Variants in TKT observed in about 807,000 individuals in gnomAD.
The protein encoded by TKT is epididymis luminal protein 107.
A neutral mutation model predicts 63.9 loss-of-function variants in TKT; 47 were observed. The observed-to-expected ratio is 0.74, with a 90% CI of 0.58 to 0.94. The LOEUF is 0.94. Among genes scored for constraint, TKT ranks in the 40% least tolerant of loss-of-function variants. TKT has a pLI of 0.00. For synonymous variants in TKT, 338 were observed against 334.1 expected (o/e 1.01, Z -0.13); for missense variants, 721 against 846.2 (o/e 0.85, Z 1.84).
intron 8 of TKT, among the ~76,000 whole-genome samples, chr3:53,229,794 G>T (rs1324826538): frequency 2.0e-5 from 3 of 152,152 alleles, no homozygotes; most frequent in Non-Finnish European, 4.4e-5. Context: ...CCCACGCCCT[G>T]CAGAGCAGTC....
intron 4 of TKT, among the ~76,000 whole-genome samples, chr3:53,236,765 A>G (rs565452702): frequency 6.6e-6 from 1 of 152,334 alleles, no homozygotes; most frequent in African/African-American, 2.4e-5. Flanking sequence ...GACTAGGGAC[A>G]AGGCTAAGCC....
At chr3:53,246,310 C>T (rs1456034925) in intron 1 of TKT, among the ~76,000 whole-genome samples, 1 of 152,114 alleles carries the variant, frequency 6.6e-6, no homozygotes, top group Non-Finnish European at 1.5e-5. Flanking sequence ...GAAACACAAA[C>T]AGGGCTGCCC....
Position 53,229,363 on chromosome 3 carries a change from G to A in TKT, c.1181C>T (p.Thr394Met), listed in dbSNP as rs1553676421. Residue 394 changes from threonine to methionine, a missense_variant, in exon 9 of 14, where the codon ACG (threonine) becomes ATG (methionine). Transcript: ENST00000462138. The stretch of plus-strand genomic sequence containing the variant: ...CATGCGAATCTGGTCAAAGGCCCGC[G>A]TGAAGAAGGCTGCAAAAGTGCTGCA... ...PFCSTFAAFF[T>M]RAFDQIRMAA... 6 of 1,613,510 alleles carry A rather than the reference G, an allele frequency of 3.7e-6. No individual in the cohort carries two copies. The highest frequency in any genetic ancestry group is 1.7e-5 in the Admixed American group (1 of 59,926).
In TKT at chr3:53,233,288, G is replaced by T; in HGVS notation, c.630-14C>A. The T allele has an allele frequency of 6.2e-7, 1 of 1,601,774 alleles. No individual in the cohort carries two copies. Among genetic ancestry groups the T allele is most frequent in the Non-Finnish European group, 8.5e-7 (1 of 1,173,042 alleles). On this transcript the variant is annotated splice_polypyrimidine_tract_variant and intron_variant, in intron 5 of 13. Coordinates refer to ENST00000462138, the MANE Select transcript of TKT (RefSeq NM_001064.4). ...ATGGCATGCCAACTGGGGACAGGGGGCAGAGAGTAAGGGGCAATTCCCAGG... is the reference window on the plus strand; with the variant it reads ...ATGGCATGCCAACTGGGGACAGGGGTCAGAGAGTAAGGGGCAATTCCCAGG...
chr3:53,239,282 A>C (rs1168895514), intron 4 of TKT, among the ~76,000 whole-genome samples: 9 of 152,092 alleles, frequency 5.9e-5, no homozygotes, highest in African/African-American at 2.2e-4. Context: ...AAACAGACTA[A>C]TACAGTGATT....
At chr3:53,229,249 C>T in intron 9 of TKT, 31 bp downstream of exon 9, 2 of 1,613,594 alleles carry the variant, frequency 1.2e-6, no homozygotes, top group Non-Finnish European at 1.7e-6. Flanking sequence ...GTCAAGGGAG[C>T]TCCAGGTGTA....
At chr3:53,226,589 C>T (rs1347860829) in intron 13 of TKT, 167 bp downstream of exon 13, 2 of 942,736 alleles carry the variant, frequency 2.1e-6, no homozygotes, top group African/African-American at 1.7e-5. Flanking sequence ...GGTCCCCAGG[C>T]CAAGCCTGAG....
chr3:53,230,545 C>T lies in TKT; in HGVS notation c.1019G>A (p.Gly340Glu), dbSNP rs782800255. 2 of 1,614,216 alleles carry T rather than the reference C, an allele frequency of 1.2e-6. No individual in the cohort carries two copies. The highest frequency in any genetic ancestry group is 2.2e-5 in the South Asian group (2 of 91,088). Residue 340 changes from glycine (G) to glutamate (E), a missense_variant, in exon 8 of 14, where the codon GGG becomes GAG. Transcript: ENST00000462138. Reference sequence around the variant, plus strand: ...CGAGAAGGTGGAATTTTTGGTGTCCCCATCCAGGGCGATGATGCGGTCACT... The same window carrying T: ...CGAGAAGGTGGAATTTTTGGTGTCCTCATCCAGGGCGATGATGCGGTCACT... Reference protein sequence around the residue: ...HASDRIIALDGDTKNSTFSEI... With the variant: ...HASDRIIALDEDTKNSTFSEI...
chr3:53,226,110 G>A (rs1452991155), intron 13 of TKT, 179 bp from the exon 14 acceptor site: 7 of 554,020 alleles, frequency 1.3e-5, no homozygotes, highest in African/African-American at 5.8e-5. Flanking sequence ...GAGACAGACA[G>A]GTATCACCAT....
At chr3:53,245,743 C>T (rs1049594348) in intron 1 of TKT, among the ~76,000 whole-genome samples, 5 of 152,096 alleles carry the variant, frequency 3.3e-5, no homozygotes, top group Non-Finnish European at 5.9e-5. Context: ...CGAGATCATG[C>T]TACTGCACTC....
At chr3:53,255,618 G>A (rs62256006) in intron 1 of TKT, among the ~76,000 whole-genome samples, 21,252 of 152,132 alleles carry the variant, frequency 0.14, 1,677 homozygotes, top group Non-Finnish European at 0.18. Context: ...AGAGGCCCAC[G>A]CGGCCGAGCC....
Position 53,225,478 on chromosome 3 carries a change from G to T in TKT, c.*278C>A, listed in dbSNP as rs118058312. 6.7e-6 allele frequency: 2 copies of T among 298,528 alleles called. No homozygotes were observed. The highest frequency in any genetic ancestry group is 1.2e-5 in the Non-Finnish European group (2 of 161,232). 18.5% of individuals were successfully genotyped at this position (298,528 alleles called of 1,614,324 possible). A position where few individuals can be genotyped will look rare whatever the true frequency, so the allele number is the denominator to read the frequency against. On this transcript the variant is annotated 3_prime_UTR_variant, in exon 14 of 14. Coordinates refer to ENST00000462138, the MANE Select transcript of TKT (RefSeq NM_001064.4). ...CACCTGGTGATGAATGGGAGGCAGCGATAGTTCTGGAGGTTGAGGGCAGTT... is the reference window on the plus strand; with the variant it reads ...CACCTGGTGATGAATGGGAGGCAGCTATAGTTCTGGAGGTTGAGGGCAGTT...
Position 53,231,347 on chromosome 3 carries a change from C to A in TKT, c.942+10G>T, listed in dbSNP as rs1704746441. 6.2e-7 allele frequency: 1 copy of A among 1,612,272 alleles called. No homozygotes were observed. The highest frequency in any genetic ancestry group is 1.1e-5 in the South Asian group (1 of 90,928). The stretch of plus-strand genomic sequence containing the variant: ...ACTATGGGTTCAGAGAAACAGGCCC[C>A]ACTTTGTACCTTGTCCCCAACTTTG... On this transcript the variant is annotated intron_variant, in intron 7 of 13. Transcript: ENST00000462138.
intron 1 of TKT, among the ~76,000 whole-genome samples, chr3:53,244,058 T>G (rs574669627): frequency 1.6e-4 from 24 of 152,228 alleles, no homozygotes; most frequent in African/African-American, 5.8e-4. Flanking sequence ...CAGGCCCAGA[T>G]AGAGTAAACG....
intron 1 of TKT, among the ~76,000 whole-genome samples, chr3:53,251,897 T>C (rs573250137): frequency 6.6e-6 from 1 of 152,162 alleles, no homozygotes; most frequent in East Asian, 1.9e-4. Flanking sequence ...CCCAGCACTT[T>C]GGGAGGCCGA....
At chr3:53,232,732 C>A (rs534085360) in intron 6 of TKT, 134 of 400,098 alleles carry the variant, frequency 3.3e-4, no homozygotes, top group African/African-American at 2.6e-3. Flanking sequence ...AGGAGTACCC[C>A]ACTCACCTCC....
At chr3:53,231,718 C>T (rs1285661605) in intron 6 of TKT, 168 bp from the exon 7 acceptor site, 15 of 660,520 alleles carry the variant, frequency 2.3e-5, no homozygotes, top group African/African-American at 3.6e-5. Context: ...AAAGGAGGGT[C>T]GCAGTGAATA....
intron 1 of TKT, among the ~76,000 whole-genome samples, chr3:53,248,811 G>A (rs1553681289): frequency 6.6e-6 from 1 of 152,210 alleles, no homozygotes; most frequent in Non-Finnish European, 1.5e-5. Flanking sequence ...AGGACTGGGG[G>A]TGGAAATGGG....
chr3:53,250,922 C>T (rs750936611), intron 1 of TKT, among the ~76,000 whole-genome samples: 8 of 152,124 alleles, frequency 5.3e-5, no homozygotes, highest in African/African-American at 1.4e-4. Context: ...GCTGGGACTA[C>T]AGGCACATGC....
Sources: gnomAD v4.1 joint callset for allele counts (sites outside exome capture counted in the v4.1 genomes callset) on GRCh38, gnomAD v4.1.1 for gene constraint, MANE v1.5 for transcripts, NCBI Gene and HGNC (gene_info 2026-07-23, HGNC 2026-07-21) for gene names.